ZMAT4: variants seen among roughly 807,000 people sequenced by gnomAD.
The protein encoded by ZMAT4 is zinc finger matrin-type 4.
In ZMAT4, 17 loss-of-function variants were observed where a neutral mutation model predicts 28.7. The ratio of observed to expected loss-of-function variants is 0.59; its 90% CI spans 0.41 to 0.89. The LOEUF is 0.89. Ranked by LOEUF, ZMAT4 falls within the 40% of genes least tolerant of loss-of-function variation. The pLI is 0.00. For synonymous variants in ZMAT4, 117 were observed against 109.2 expected (o/e 1.07, Z -0.44); for missense variants, 240 against 283.8 (o/e 0.85, Z 1.11).
chr8:40,629,478 C>T (rs1450054836), intron 5 of ZMAT4, among the ~76,000 whole-genome samples: 1 of 151,420 alleles, frequency 6.6e-6, no homozygotes. Context: ...CATATGTATA[C>T]ATGTGCCATG....
At chr8:40,548,328 G>T (rs1803265745) in intron 6 of ZMAT4, among the ~76,000 whole-genome samples, 1 of 151,758 alleles carries the variant, frequency 6.6e-6, no homozygotes, top group African/African-American at 2.4e-5. Flanking sequence ...GAAGAGGAAG[G>T]ATATAAAGCA....
intron 6 of ZMAT4, among the ~76,000 whole-genome samples, chr8:40,579,515 G>C (rs28379834): frequency 0.018 from 2,678 of 152,188 alleles, 64 homozygotes; most frequent in African/African-American, 0.059. Flanking sequence ...TCCTCTGGGC[G>C]GACCAGAGTA....
Position 40,530,983 on chromosome 8 carries a change from G to C in ZMAT4, c.*1240C>G, listed in dbSNP as rs1259519043. 2.0e-5 allele frequency: 3 copies of C among 152,682 alleles called. No homozygotes were observed. Among genetic ancestry groups the C allele is most frequent in the Non-Finnish European group, 4.4e-5 (3 of 68,106 alleles). The allele number at this position is 152,682 out of a possible 1,614,324, so 9.5% of individuals were successfully genotyped here. ...CTTGGTGGAAAACAGTGGGTGTCCA[G>C]AAATTGCTGACACAAGAAGATGGAT... On this transcript the variant is annotated 3_prime_UTR_variant, in exon 7 of 7. Transcript: ENST00000297737.
At chr8:40,807,287 CA>C (rs1181079723) in intron 2 of ZMAT4, among the ~76,000 whole-genome samples, 1 of 151,864 alleles carries the variant, frequency 6.6e-6, no homozygotes, top group Non-Finnish European at 1.5e-5. Context: ...GCTAAAAATA[CA>C]AAAATTAGCC....
At chr8:40,769,501 A>G (rs1813303414) in intron 2 of ZMAT4, among the ~76,000 whole-genome samples, 1 of 152,212 alleles carries the variant, frequency 6.6e-6, no homozygotes, top group Non-Finnish European at 1.5e-5. Flanking sequence ...TATTGGGACT[A>G]CTACTACAGT....
At chr8:40,878,141 A>T (rs1031401197) in intron 1 of ZMAT4, among the ~76,000 whole-genome samples, 4 of 152,210 alleles carry the variant, frequency 2.6e-5, no homozygotes, top group Non-Finnish European at 5.9e-5. Context: ...GCGGCTCCTC[A>T]GCAAAGGGCC....
At chr8:40,722,701 C>T (rs1428504407) in intron 3 of ZMAT4, among the ~76,000 whole-genome samples, 1 of 152,178 alleles carries the variant, frequency 6.6e-6, no homozygotes, top group Non-Finnish European at 1.5e-5. Context: ...CACCAACAAA[C>T]ACCCTCCCTG....
intron 6 of ZMAT4, among the ~76,000 whole-genome samples, chr8:40,568,546 A>G (rs1037346985): frequency 6.6e-5 from 10 of 152,198 alleles, no homozygotes; most frequent in African/African-American, 2.4e-4. Flanking sequence ...ATTTTGGGAT[A>G]GAAGTATTGA....
chr8:40,823,080 T>C (rs1163568844), intron 2 of ZMAT4, among the ~76,000 whole-genome samples: 1 of 152,168 alleles, frequency 6.6e-6, no homozygotes, highest in Non-Finnish European at 1.5e-5. Context: ...CTGACGTTAC[T>C]TTTCTAGTCA....
chr8:40,606,748 T>A (rs1200871255), intron 5 of ZMAT4, among the ~76,000 whole-genome samples: 1 of 152,238 alleles, frequency 6.6e-6, no homozygotes, highest in African/African-American at 2.4e-5. Flanking sequence ...AGGGAAGTGT[T>A]CCTTGATTAT....
At chr8:40,801,569 C>G (rs1188766237) in intron 2 of ZMAT4, among the ~76,000 whole-genome samples, 1 of 151,594 alleles carries the variant, frequency 6.6e-6, no homozygotes, top group African/African-American at 2.4e-5. Context: ...ACTCAGGAGG[C>G]TGAGGAAGGA....
In ZMAT4 at chr8:40,573,690, A is replaced by G. The variant is rs149497849; in HGVS notation, c.674+7475T>C. Among the ~76,000 whole-genome samples the G allele has an allele frequency of 3.7e-3, 559 of 152,332 alleles. 4 individuals are homozygous for G. The highest frequency in any genetic ancestry group is 5.4e-3 in the Non-Finnish European group (366 of 68,024). ...TAGCTCCAATAAAATGGCAAAGGCT[A>G]TCTGGAAATCTGTTTTGAGAACAAT... On this transcript the variant is annotated intron_variant, in intron 6 of 6. Transcript: ENST00000297737.
At chr8:40,877,193 C>T (rs1563260741) in intron 1 of ZMAT4, among the ~76,000 whole-genome samples, 2 of 152,174 alleles carry the variant, frequency 1.3e-5, no homozygotes, top group East Asian at 1.9e-4. Context: ...GAACAGTGGT[C>T]AGGGGCAGAT....
chr8:40,532,040 AG>A lies in ZMAT4; in HGVS notation c.*182del. The stretch of plus-strand genomic sequence containing the variant: ...CATAACTTACCCCAAAATTAAAAAA[AG>A]GAAAAAGAAAAAAGAAACCTCATTC... On this transcript the variant is annotated 3_prime_UTR_variant, in exon 7 of 7. Transcript: ENST00000297737. 4.4e-6 allele frequency: 2 copies of A among 455,754 alleles called. No individual in the cohort carries two copies. The highest frequency in any genetic ancestry group is 7.3e-6 in the Non-Finnish European group (2 of 273,580). 28.2% of individuals were successfully genotyped at this position (455,754 alleles called of 1,614,324 possible).
At chr8:40,683,546 G>A (rs546263417) in intron 4 of ZMAT4, among the ~76,000 whole-genome samples, 3 of 152,294 alleles carry the variant, frequency 2.0e-5, no homozygotes, top group African/African-American at 7.2e-5. Flanking sequence ...TTTCAACTTA[G>A]ATGCTACATT....
intron 3 of ZMAT4, among the ~76,000 whole-genome samples, chr8:40,728,871 A>G (rs1811415799): frequency 6.6e-6 from 1 of 152,028 alleles, no homozygotes; most frequent in African/African-American, 2.4e-5. Flanking sequence ...GCAGGCAACC[A>G]CTTCCTGATT....
intron 2 of ZMAT4, among the ~76,000 whole-genome samples, chr8:40,779,886 G>T (rs1000321693): frequency 2.0e-5 from 3 of 152,112 alleles, no homozygotes; most frequent in African/African-American, 7.2e-5. Context: ...AGGCCAACCC[G>T]CCGGCAACCT....
chr8:40,894,434 G>A (rs549492673), intron 1 of ZMAT4, among the ~76,000 whole-genome samples: 1 of 152,238 alleles, frequency 6.6e-6, no homozygotes, highest in East Asian at 1.9e-4. Flanking sequence ...GAAATGACAG[G>A]AAGGAAGAAA....
intron 1 of ZMAT4, among the ~76,000 whole-genome samples, chr8:40,893,727 A>G (rs936057069): frequency 6.6e-6 from 1 of 152,162 alleles, no homozygotes; most frequent in South Asian, 2.1e-4. Flanking sequence ...GATAAATTAC[A>G]CGTGGCAGGG....
Sources: gnomAD v4.1 joint callset for allele counts (sites outside exome capture counted in the v4.1 genomes callset) on GRCh38, gnomAD v4.1.1 for gene constraint, MANE v1.5 for transcripts, NCBI Gene and HGNC (gene_info 2026-07-23, HGNC 2026-07-21) for gene names.